Variants in RARB observed in about 807,000 individuals in gnomAD.
RARB encodes HBV-activated protein.
Under a neutral mutation model 51.9 loss-of-function variants are expected in RARB, and 17 were observed. The ratio of observed to expected loss-of-function variants is 0.33; its 90% CI spans 0.22 to 0.49. The LOEUF (loss-of-function observed/expected upper bound fraction) is 0.49. Among genes scored for constraint, RARB ranks in the 20% least tolerant of loss-of-function variants. The probability of loss-of-function intolerance (pLI) is 0.99; values close to 1 mark genes in which losing one functional copy is unlikely to be tolerated. For missense variants in RARB, 369 were observed against 550.8 expected, an observed-to-expected ratio of 0.67 and a Z score of 3.30; for synonymous variants, 215 against 195.4, an observed-to-expected ratio of 1.10 and a Z score of -0.84.
intron 5 of RARB, among the ~76,000 whole-genome samples, chr3:25,175,302 AACTT>A (rs1700721777): frequency 6.6e-6 from 1 of 152,216 alleles, no homozygotes. Flanking sequence ...TGTTAATAAC[AACTT>A]ACTTGGTTTA....
At chr3:25,273,795 G>T (rs1345537546) in intron 5 of RARB, among the ~76,000 whole-genome samples, 1 of 152,202 alleles carries the variant, frequency 6.6e-6, no homozygotes, top group African/African-American at 2.4e-5. Context: ...CACTTCCTCA[G>T]TGTCTGCCAG....
At chr3:25,394,582 A>G (rs893167240) in intron 5 of RARB, among the ~76,000 whole-genome samples, 2 of 152,110 alleles carry the variant, frequency 1.3e-5, no homozygotes, top group Non-Finnish European at 2.9e-5. Context: ...TGGGAGCTCC[A>G]GTGTTAGAGG....
chr3:24,920,538 C>T (rs140558157), intron 2 of RARB, among the ~76,000 whole-genome samples: 1 of 152,008 alleles, frequency 6.6e-6, no homozygotes, highest in African/African-American at 2.4e-5. Flanking sequence ...TTTAAATAAT[C>T]AACTCTAATT....
intron 2 of RARB, among the ~76,000 whole-genome samples, chr3:24,910,938 A>G (rs1166387608): frequency 1.3e-5 from 2 of 152,194 alleles, no homozygotes; most frequent in Non-Finnish European, 2.9e-5. Flanking sequence ...CAGCTAGCCA[A>G]TTTCTACCAC....
chr3:25,105,422 CA>C (rs755388268), intron 3 of RARB, among the ~76,000 whole-genome samples: 861 of 52,078 alleles, frequency 0.017, 1 homozygote, highest in East Asian at 0.028. Flanking sequence ...TATACATGTG[CA>C]AAAAAAAAAA....
intron 3 of RARB, among the ~76,000 whole-genome samples, chr3:25,124,941 G>T (rs1030044383): frequency 6.6e-6 from 1 of 152,124 alleles, no homozygotes; most frequent in Non-Finnish European, 1.5e-5. Flanking sequence ...ATAGAAGAAG[G>T]CAAGTGATTT....
intron 2 of RARB, among the ~76,000 whole-genome samples, chr3:25,010,869 C>G (rs1575117632): frequency 6.6e-6 from 1 of 152,164 alleles, no homozygotes; most frequent in South Asian, 2.1e-4. Flanking sequence ...TCATGTAATT[C>G]TGCCTTTTAG....
At chr3:24,942,960 C>G (rs1456884814) in intron 2 of RARB, among the ~76,000 whole-genome samples, 1 of 152,070 alleles carries the variant, frequency 6.6e-6, no homozygotes, top group Non-Finnish European at 1.5e-5. Flanking sequence ...TTTGGGCTAT[C>G]TAAAGTTTTG....
chr3:25,145,357 A>G (rs1383647236), intron 4 of RARB, among the ~76,000 whole-genome samples: 1 of 152,190 alleles, frequency 6.6e-6, no homozygotes. Flanking sequence ...AACTAGGAAC[A>G]TATTGAATAT....
At chr3:25,589,178 G>A (rs1371045660) in intron 5 of RARB, among the ~76,000 whole-genome samples, 5 of 152,182 alleles carry the variant, frequency 3.3e-5, no homozygotes, top group Non-Finnish European at 7.3e-5. Flanking sequence ...TGACATTTAA[G>A]CTGAACTCTG....
chr3:24,845,506 A>G (rs1469261852), intron 1 of RARB, among the ~76,000 whole-genome samples: 1 of 151,978 alleles, frequency 6.6e-6, no homozygotes, highest in Non-Finnish European at 1.5e-5. Flanking sequence ...TGCATGGGAG[A>G]TTTTGATGGG....
At chr3:24,906,760 G>A (rs373087820) in intron 2 of RARB, among the ~76,000 whole-genome samples, 20 of 147,498 alleles carry the variant, frequency 1.4e-4, no homozygotes, top group African/African-American at 4.3e-4. Context: ...AAGGGAAATC[G>A]CTTGAACCTG....
At chr3:25,503,863 T>C (rs970965079) in intron 3 of RARB, among the ~76,000 whole-genome samples, 1 of 152,180 alleles carries the variant, frequency 6.6e-6, no homozygotes, top group Admixed American at 6.5e-5. Flanking sequence ...ATCTTAGAGA[T>C]TGATTTTCAC....
intron 3 of RARB, among the ~76,000 whole-genome samples, chr3:25,100,525 G>T (rs931919473): frequency 1.3e-5 from 2 of 152,116 alleles, no homozygotes; most frequent in African/African-American, 4.8e-5. Flanking sequence ...CCAGAGATCT[G>T]GTTCCTAAGA....
At chr3:25,299,174 G>T (rs771579078) in intron 5 of RARB, among the ~76,000 whole-genome samples, 2 of 152,096 alleles carry the variant, frequency 1.3e-5, no homozygotes, top group African/African-American at 2.4e-5. Context: ...ACTGGAGAAT[G>T]GTGGTTGACC....
chr3:24,995,275 C>G (rs778250868), intron 2 of RARB, among the ~76,000 whole-genome samples: 2 of 149,792 alleles, frequency 1.3e-5, no homozygotes, highest in Non-Finnish European at 3.0e-5. Context: ...TTTTTTATGT[C>G]TTTTTTTCAG....
intron 4 of RARB, among the ~76,000 whole-genome samples, chr3:25,574,520 G>C (rs1461420576): frequency 6.6e-6 from 1 of 152,144 alleles, no homozygotes; most frequent in Non-Finnish European, 1.5e-5. Flanking sequence ...AGATTTCCAG[G>C]TGGTGTAGCC....
chr3:25,225,947 A>G (rs368741743), intron 5 of RARB, among the ~76,000 whole-genome samples: 6 of 152,200 alleles, frequency 3.9e-5, no homozygotes, highest in South Asian at 2.1e-4. Flanking sequence ...ATAAGGATGC[A>G]TTTATTATCC....
At chr3:25,032,329 A>C (rs1411502858) in intron 2 of RARB, among the ~76,000 whole-genome samples, 1 of 152,242 alleles carries the variant, frequency 6.6e-6, no homozygotes, top group East Asian at 1.9e-4. Flanking sequence ...AAACAAAGGC[A>C]GTAAAAGCTA....
Sources: gnomAD v4.1 joint callset for allele counts (sites outside exome capture counted in the v4.1 genomes callset) on GRCh38, gnomAD v4.1.1 for gene constraint, MANE v1.5 for transcripts, NCBI Gene and HGNC (gene_info 2026-07-23, HGNC 2026-07-21) for gene names.